Variants in CSMD2 observed in about 807,000 individuals in gnomAD.
CSMD2 encodes the protein CUB and sushi domain-containing protein 2.
In CSMD2, 130 loss-of-function variants were observed where a neutral mutation model predicts 398.5. The observed-to-expected ratio is 0.33, with a 90% CI of 0.28 to 0.38. The LOEUF (loss-of-function observed/expected upper bound fraction) is 0.38, where lower values mean the gene tolerates loss of function less well. Among genes scored for constraint, CSMD2 ranks in the 10% least tolerant of loss-of-function variants. The pLI is 1.00. For missense variants in CSMD2, 3,829 were observed against 4,764.9 expected (o/e 0.80, Z 5.78); for synonymous variants, 1,828 against 1,908.5 (o/e 0.96, Z 1.10).
intron 32 of CSMD2, among the ~76,000 whole-genome samples, chr1:33,628,765 G>A (rs1179515897): frequency 6.6e-6 from 1 of 151,690 alleles, no homozygotes; most frequent in Non-Finnish European, 1.5e-5. Flanking sequence ...GGTAGAATTA[G>A]TGAGAAGAGA....
At chr1:33,602,883 C>T (rs1041832498) in intron 42 of CSMD2, among the ~76,000 whole-genome samples, 2 of 152,188 alleles carry the variant, frequency 1.3e-5, no homozygotes, top group East Asian at 1.9e-4. Context: ...AGGGAGCAGA[C>T]GTTAGGGTCA....
chr1:34,090,228 A>C (rs74068040), intron 1 of CSMD2, among the ~76,000 whole-genome samples: 1 of 152,148 alleles, frequency 6.6e-6, no homozygotes, highest in African/African-American at 2.4e-5. Context: ...ACCGGGGTGG[A>C]GCTGGAGGGA....
intron 10 of CSMD2, among the ~76,000 whole-genome samples, chr1:33,807,000 G>T (rs1382079964): frequency 6.6e-6 from 1 of 152,094 alleles, no homozygotes; most frequent in African/African-American, 2.4e-5. Flanking sequence ...ATAGATTCAA[G>T]AAACTTAATT....
At chr1:34,127,814 G>A (rs1222812430) in intron 1 of CSMD2, among the ~76,000 whole-genome samples, 1 of 152,106 alleles carries the variant, frequency 6.6e-6, no homozygotes, top group Admixed American at 6.5e-5. Context: ...TGTAGAGACT[G>A]AGGGTCCTAG....
chr1:33,915,245 T>C (rs1201250155), intron 5 of CSMD2, among the ~76,000 whole-genome samples: 4 of 152,196 alleles, frequency 2.6e-5, no homozygotes, highest in South Asian at 2.1e-4. Flanking sequence ...GAAATCTTAA[T>C]GTATGCTTAC....
chr1:33,557,885 A>G lies in CSMD2; in HGVS notation c.8592T>C (p.Ser2864=), dbSNP rs912068797. Residue 2864 remains serine (S), a synonymous_variant, in exon 55 of 71, where the codon AGT becomes AGC. Transcript: ENST00000373381. ...GGCCGCTGGCGTGGACCTGACGAAC[A>G]CTATTTTCTTGGTGTCCAGGATCTG... ...NCTDPGHQEN[S]VRQVHASGPH... is the part of the protein sequence containing the mutation. 30 of 1,535,878 alleles carry G rather than the reference A, an allele frequency of 2.0e-5. No homozygotes were observed. The highest frequency in any genetic ancestry group is 2.5e-5 in the Non-Finnish European group (29 of 1,146,884).
chr1:34,032,012 A>C (rs1650506680), intron 3 of CSMD2, among the ~76,000 whole-genome samples: 1 of 152,108 alleles, frequency 6.6e-6, no homozygotes. Flanking sequence ...TAATAATAAT[A>C]ATAGTGTATA....
intron 44 of CSMD2, among the ~76,000 whole-genome samples, chr1:33,590,983 T>G (rs1004231069): frequency 6.3e-5 from 5 of 78,862 alleles, no homozygotes; most frequent in African/African-American, 1.4e-4. Flanking sequence ...TTATTTATCT[T>G]TTTTTTTTTT....
chr1:33,839,404 C>T (rs911575981), intron 6 of CSMD2: 6 of 152,942 alleles, frequency 3.9e-5, no homozygotes, highest in African/African-American at 1.4e-4. Context: ...AAAGCTATTG[C>T]TATAATGGCA....
intron 13 of CSMD2, among the ~76,000 whole-genome samples, chr1:33,746,360 G>A (rs1647383742): frequency 6.6e-6 from 1 of 152,200 alleles, no homozygotes; most frequent in African/African-American, 2.4e-5. Flanking sequence ...TGAAGACAAA[G>A]AAAGGTGCTA....
chr1:33,850,106 C>T (rs1268437402), intron 5 of CSMD2, among the ~76,000 whole-genome samples: 3 of 152,126 alleles, frequency 2.0e-5, no homozygotes, highest in Admixed American at 2.0e-4. Context: ...TACACTGGCA[C>T]TTCTCCCAGA....
chr1:34,024,157 G>A (rs12562296), intron 3 of CSMD2, among the ~76,000 whole-genome samples: 7,424 of 152,278 alleles, frequency 0.049, 234 homozygotes, highest in East Asian at 0.15. Flanking sequence ...AGGTTTCAGA[G>A]CTCCTTGAAT....
intron 6 of CSMD2, among the ~76,000 whole-genome samples, chr1:33,833,884 T>C (rs957628275): frequency 1.3e-5 from 2 of 150,878 alleles, no homozygotes; most frequent in Non-Finnish European, 3.0e-5. Flanking sequence ...AAATCATGAG[T>C]GAACTCCCAT....
In CSMD2 at chr1:33,524,941, G is replaced by C; in HGVS notation, c.10337C>G (p.Ala3446Gly). 1 of 1,614,196 alleles carries C rather than the reference G, an allele frequency of 6.2e-7. No individual in the cohort carries two copies. Among genetic ancestry groups the C allele is most frequent in the Non-Finnish European group, 8.5e-7 (1 of 1,180,044 alleles). Residue 3446 changes from alanine (A) to glycine (G), a missense_variant, in exon 66 of 71, where the codon GCC (alanine) becomes GGC (glycine). By Grantham distance (60) the Ala-to-Gly change is moderately conservative. Transcript: ENST00000373381. ...CATGGTGGCATTGACCTTGCTGTTG[G>C]CAACTTGGAAGCCAGTCACTCTGAG... ...AMLRVTGFQV[A>G]NSKVNATMID...
chr1:33,841,694 C>T (rs1660870546), intron 6 of CSMD2, among the ~76,000 whole-genome samples: 1 of 151,732 alleles, frequency 6.6e-6, no homozygotes, highest in Non-Finnish European at 1.5e-5. Context: ...AACACTTTGG[C>T]TACAGGAACT....
intron 1 of CSMD2, among the ~76,000 whole-genome samples, chr1:34,111,463 G>C (rs951144965): frequency 4.6e-5 from 7 of 152,184 alleles, no homozygotes; most frequent in Admixed American, 4.6e-4. Flanking sequence ...CCAGCACAGG[G>C]CTGCCACAGG....
chr1:33,964,494 G>A (rs1229353552), intron 3 of CSMD2, among the ~76,000 whole-genome samples: 1 of 152,228 alleles, frequency 6.6e-6, no homozygotes, highest in Non-Finnish European at 1.5e-5. Flanking sequence ...AACTGGAATA[G>A]GACAAGGGCA....
chr1:34,033,728 C>A (rs191954300), intron 2 of CSMD2, among the ~76,000 whole-genome samples: 1 of 152,120 alleles, frequency 6.6e-6, no homozygotes, highest in African/African-American at 2.4e-5. Context: ...TTGAAATATC[C>A]GTGGTTCTCC....
At chr1:33,985,686 T>A (rs1244755924) in intron 3 of CSMD2, among the ~76,000 whole-genome samples, 1 of 152,226 alleles carries the variant, frequency 6.6e-6, no homozygotes, top group Non-Finnish European at 1.5e-5. Flanking sequence ...GGATAATGTA[T>A]GTGAAAGTCC....
Sources: allele counts gnomAD v4.1 joint callset (sites outside exome capture counted in the v4.1 genomes callset), GRCh38; gene constraint gnomAD v4.1.1; transcripts MANE v1.5; gene names NCBI Gene and HGNC (gene_info 2026-07-23, HGNC 2026-07-21).